Variants in LSM12 observed in about 807,000 individuals in gnomAD.
LSM12 encodes the protein protein LSM12.
For synonymous variants in LSM12, 74 were observed against 87.3 expected (o/e 0.85, Z 0.85); for missense variants, 108 against 238.9 (o/e 0.45, Z 3.61).
At chr17:44,036,342 G>GT in intron 4 of LSM12, 42 bp from the exon 5 acceptor site, 1 of 1,612,638 alleles carries the variant, frequency 6.2e-7, no homozygotes, top group Admixed American at 1.7e-5. Context: ...AGGAGATGCG[G>GT]AAGAAAGGTC....
intron 2 of LSM12, among the ~76,000 whole-genome samples, chr17:44,043,264 CCAGAGCTCCTTTTTCA>C (rs2049519203): frequency 6.6e-6 from 1 of 152,212 alleles, no homozygotes; most frequent in Non-Finnish European, 1.5e-5. Flanking sequence ...TGATCTGAAG[CCAGAGCTCCTTTTTCA>C]CAGGATCTCT....
At chr17:44,038,818 C>T (rs2049449398) in intron 3 of LSM12, among the ~76,000 whole-genome samples, 1 of 152,176 alleles carries the variant, frequency 6.6e-6, no homozygotes, top group Admixed American at 6.5e-5. Context: ...TTGGGAAGCC[C>T]CAGGGCAGCT....
chr17:44,055,992 G>A (rs116813609), intron 2 of LSM12, among the ~76,000 whole-genome samples: 2,168 of 151,842 alleles, frequency 0.014, 56 homozygotes, highest in African/African-American at 0.05. Context: ...CCTGGGTAGG[G>A]CGTGGTGGCT....
chr17:44,043,788 G>GTGGGC (rs1279751186), intron 2 of LSM12, among the ~76,000 whole-genome samples: 2 of 149,924 alleles, frequency 1.3e-5, no homozygotes, highest in Non-Finnish European at 3.0e-5. Flanking sequence ...GGGCAACATA[G>GTGGGC]TGGGACCCTG....
intron 2 of LSM12, among the ~76,000 whole-genome samples, chr17:44,055,733 T>C (rs1597893904): frequency 6.9e-6 from 1 of 145,002 alleles, no homozygotes; most frequent in East Asian, 2.0e-4. Flanking sequence ...AAATATATTA[T>C]ATATATAATA....
intron 2 of LSM12, among the ~76,000 whole-genome samples, chr17:44,060,365 A>G (rs1293667493): frequency 1.3e-5 from 2 of 152,290 alleles, no homozygotes; most frequent in East Asian, 3.9e-4. Flanking sequence ...TCATTCATGC[A>G]ACATGTTAAT....
intron 4 of LSM12, 92 bp from the exon 5 acceptor site, chr17:44,036,392 G>C (rs2049415908): frequency 3.9e-6 from 6 of 1,532,894 alleles, no homozygotes; most frequent in Non-Finnish European, 5.4e-6. Flanking sequence ...GCCCCATCCT[G>C]GCTGTCCAGC....
intron 2 of LSM12, among the ~76,000 whole-genome samples, chr17:44,055,722 A>ATG (rs1015891318): frequency 1.4e-5 from 2 of 144,820 alleles, no homozygotes; most frequent in Admixed American, 1.4e-4. Flanking sequence ...AAATATATAT[A>ATG]AAATATATTA....
chr17:44,052,354 T>C (rs1012431393), intron 2 of LSM12, among the ~76,000 whole-genome samples: 1 of 150,968 alleles, frequency 6.6e-6, no homozygotes, highest in Non-Finnish European at 1.5e-5. Flanking sequence ...TGTGTTGGCA[T>C]GCACCTGTAG....
At chr17:44,043,806 T>TAAA (rs768294471) in intron 2 of LSM12, among the ~76,000 whole-genome samples, 1 of 135,624 alleles carries the variant, frequency 7.4e-6, no homozygotes, top group Non-Finnish European at 1.6e-5. Flanking sequence ...CTGCCTCTAT[T>TAAA]AAAAAAAAAA....
chr17:44,064,422 A>G (rs1389968660), intron 1 of LSM12, among the ~76,000 whole-genome samples: 1 of 152,202 alleles, frequency 6.6e-6, no homozygotes, highest in Non-Finnish European at 1.5e-5. Flanking sequence ...AGCCTACTGT[A>G]TGTCAAGTAA....
intron 2 of LSM12, among the ~76,000 whole-genome samples, chr17:44,062,880 G>A (rs143197970): frequency 4.0e-5 from 6 of 151,854 alleles, no homozygotes; most frequent in South Asian, 2.1e-4. Context: ...CAAATTAGCC[G>A]GGTGTGACAG....
intron 2 of LSM12, among the ~76,000 whole-genome samples, chr17:44,048,061 ACACG>A (rs1555624204): frequency 6.8e-6 from 1 of 146,416 alleles, no homozygotes; most frequent in Non-Finnish European, 1.5e-5. Flanking sequence ...ACACACACAC[ACACG>A]CAAATAAAAA....
intron 2 of LSM12, among the ~76,000 whole-genome samples, chr17:44,049,232 A>C (rs183337384): frequency 1.4e-3 from 220 of 152,064 alleles, no homozygotes; most frequent in Admixed American, 2.7e-3. Context: ...AACAAAAAAA[A>C]CCGGCTTCTA....
intron 2 of LSM12, among the ~76,000 whole-genome samples, chr17:44,047,860 A>G (rs228756): frequency 0.42 from 63,166 of 151,442 alleles, 14,750 homozygotes; most frequent in Middle Eastern, 0.6. Context: ...TGGAATTACA[A>G]GCATAAACCA....
intron 3 of LSM12, among the ~76,000 whole-genome samples, chr17:44,038,681 C>A (rs753766086): frequency 8.5e-5 from 13 of 152,096 alleles, no homozygotes; most frequent in Non-Finnish European, 1.8e-4. Context: ...AACAAACTCC[C>A]CATCTTCCTA....
In LSM12 at chr17:44,039,273, T is replaced by C. The variant is rs529949151; in HGVS notation, c.368+874A>G. Among the ~76,000 whole-genome samples, 47 of 151,714 alleles carry C rather than the reference T, an allele frequency of 3.1e-4. 1 individual carries two copies. The highest frequency in any genetic ancestry group is 3.5e-3 in the Middle Eastern group (1 of 288). ...TTTCAACATGTTGGTCAGGCTGGTC[T>C]GGAACTCCCGACCTCAGGTGAACCG... On this transcript the variant is annotated intron_variant, in intron 3 of 4. Transcript: ENST00000293406.
intron 2 of LSM12, among the ~76,000 whole-genome samples, chr17:44,042,851 G>C (rs2049513290): frequency 6.6e-6 from 1 of 152,258 alleles, no homozygotes; most frequent in East Asian, 1.9e-4. Context: ...ACAGGCGTGA[G>C]CTACCACACC....
chr17:44,058,582 C>T (rs569342322), intron 2 of LSM12, among the ~76,000 whole-genome samples: 4 of 152,242 alleles, frequency 2.6e-5, no homozygotes, highest in African/African-American at 9.6e-5. Context: ...CCTGTAAACC[C>T]AGCACTTTGG....
Sources: allele counts gnomAD v4.1 joint callset (sites outside exome capture counted in the v4.1 genomes callset), GRCh38; gene constraint gnomAD v4.1.1; transcripts MANE v1.5; gene names NCBI Gene and HGNC (gene_info 2026-07-23, HGNC 2026-07-21).